PSD2: variants seen among roughly 807,000 people sequenced by gnomAD.
PSD2 encodes PH and SEC7 domain-containing protein 2.
In PSD2, 38 loss-of-function variants were observed where a neutral mutation model predicts 69.8. That is an observed-to-expected ratio of 0.54 (90% CI 0.42 to 0.71). The LOEUF is 0.71. Ranked by LOEUF, PSD2 falls within the 30% of genes least tolerant of loss-of-function variation. The probability of loss-of-function intolerance (pLI) is 0.00; values close to 1 mark genes in which losing one functional copy is unlikely to be tolerated. For synonymous variants in PSD2, 412 were observed against 423.0 expected, an observed-to-expected ratio of 0.97 and a Z score of 0.32; for missense variants, 943 against 1,014.5, an observed-to-expected ratio of 0.93 and a Z score of 0.96.
chr5:139,766,704 T>C, the PSD2 span, among the ~76,000 whole-genome samples: 2 of 152,150 alleles, frequency 1.3e-5, no homozygotes, highest in Non-Finnish European at 2.9e-5. Flanking sequence ...ATTGCCTGGC[T>C]GGGGAAACTG....
the PSD2 span, among the ~76,000 whole-genome samples, chr5:139,782,882 G>A: frequency 6.9e-3 from 1,050 of 152,244 alleles, 13 homozygotes; most frequent in African/African-American, 0.023. Flanking sequence ...ATTTTTAAGT[G>A]TGCAATTCAG....
chr5:139,805,480 A>G (rs1403372216), intron 1 of PSD2, among the ~76,000 whole-genome samples: 1 of 152,214 alleles, frequency 6.6e-6, no homozygotes, highest in East Asian at 1.9e-4. Flanking sequence ...ACAGCCGTGA[A>G]CATGACATAG....
chr5:139,777,620 A>G, the PSD2 span, among the ~76,000 whole-genome samples: 1 of 152,162 alleles, frequency 6.6e-6, no homozygotes, highest in African/African-American at 2.4e-5. Context: ...GCTGTGGCTC[A>G]TGCCCTTAAT....
At chr5:139,833,359 C>T (rs1760639401) in intron 7 of PSD2, among the ~76,000 whole-genome samples, 1 of 152,082 alleles carries the variant, frequency 6.6e-6, no homozygotes, top group African/African-American at 2.4e-5. Context: ...ACCTCACCTC[C>T]TCCTTGGGGT....
At chr5:139,761,289 A>G in the PSD2 span, among the ~76,000 whole-genome samples, 5 of 152,290 alleles carry the variant, frequency 3.3e-5, no homozygotes, top group East Asian at 7.7e-4. Flanking sequence ...GCTCAATGTC[A>G]CTATGCTTGT....
chr5:139,814,726 G>A lies in PSD2; in HGVS notation c.1016+362G>A, dbSNP rs754661350. On this transcript the variant is annotated intron_variant, in intron 4 of 14. Transcript: ENST00000274710. The surrounding 1 kb of genome is among the most constrained non-coding windows in gnomAD (Gnocchi z 4.4). ...AGGGAGAAAGGAGAACCCGGGCCTCGGGGGACACCTCTGGGACCCAGAGCT... is the reference window on the plus strand; with the variant it reads ...AGGGAGAAAGGAGAACCCGGGCCTCAGGGGACACCTCTGGGACCCAGAGCT... Among the ~76,000 whole-genome samples, 35 of 152,144 alleles carry A rather than the reference G, an allele frequency of 2.3e-4. No homozygotes were observed. Among genetic ancestry groups the A allele is most frequent in the African/African-American group, 5.1e-4 (21 of 41,514 alleles).
chr5:139,743,327 G>T, the PSD2 span, among the ~76,000 whole-genome samples: 1 of 152,210 alleles, frequency 6.6e-6, no homozygotes, highest in African/African-American at 2.4e-5. Context: ...CACTGACCCT[G>T]GAGGGTTACT....
chr5:139,813,573 T>C lies in PSD2; in HGVS notation c.636T>C (p.Ala212=). ...CGTTTGAGGGGGACATGGGGGCAGC[T>C]GGTGGTGATGGGGAGCTGGGCAGCC... ...DMAFEGDMGA[A]GGDGELGSPL... Residue 212 remains alanine (A), a synonymous_variant, in exon 3 of 15, where the codon GCT becomes GCC. Coordinates refer to ENST00000274710, the MANE Select transcript of PSD2 (RefSeq NM_032289.4). 1.9e-6 allele frequency: 3 copies of C among 1,612,894 alleles called. No homozygotes were observed. Among genetic ancestry groups the C allele is most frequent in the Non-Finnish European group, 2.5e-6 (3 of 1,179,002 alleles).
chr5:139,838,480 C>T (rs1175660075), intron 12 of PSD2, 148 bp from the exon 13 acceptor site: 2 of 825,806 alleles, frequency 2.4e-6, no homozygotes, highest in Non-Finnish European at 3.8e-6. Flanking sequence ...CATCCAGCCC[C>T]CATGTGTCCT....
the PSD2 span, among the ~76,000 whole-genome samples, chr5:139,780,855 C>G: frequency 1.3e-5 from 2 of 152,202 alleles, no homozygotes; most frequent in Non-Finnish European, 2.9e-5. Context: ...TTGGTTAACT[C>G]ATTCAGACTT....
intron 1 of PSD2, among the ~76,000 whole-genome samples, chr5:139,799,376 C>A (rs1034995477): frequency 6.6e-6 from 1 of 152,118 alleles, no homozygotes; most frequent in African/African-American, 2.4e-5. Flanking sequence ...GGGGGAGCCA[C>A]AACTCAGACA....
the PSD2 span, among the ~76,000 whole-genome samples, chr5:139,790,392 G>A: frequency 2.0e-5 from 3 of 152,182 alleles, no homozygotes; most frequent in South Asian, 2.1e-4. Flanking sequence ...ATCACACACC[G>A]AGAAGCTTCA....
At chr5:139,785,490 C>T in the PSD2 span, among the ~76,000 whole-genome samples, 7 of 152,250 alleles carry the variant, frequency 4.6e-5, no homozygotes, top group Non-Finnish European at 1.5e-5. Context: ...TCCCAAAGTG[C>T]TGGGATTACA....
intron 2 of PSD2, among the ~76,000 whole-genome samples, chr5:139,811,758 C>G (rs1225690680): frequency 6.6e-6 from 1 of 152,094 alleles, no homozygotes; most frequent in East Asian, 1.9e-4. Context: ...CTACGCCCGG[C>G]TAATTTTTGT....
chr5:139,770,356 A>G, the PSD2 span, among the ~76,000 whole-genome samples: 3 of 152,196 alleles, frequency 2.0e-5, no homozygotes, highest in African/African-American at 4.8e-5. Flanking sequence ...CAGGAGCTCG[A>G]GACCAGCCTG....
Position 139,839,797 on chromosome 5 carries a change from G to A in PSD2, c.1969-230G>A, listed in dbSNP as rs562879211. Among the ~76,000 whole-genome samples, 1 of 152,326 alleles carries A rather than the reference G, an allele frequency of 6.6e-6. No homozygotes were observed. Among genetic ancestry groups the A allele is most frequent in the Non-Finnish European group, 1.5e-5 (1 of 68,026 alleles). On this transcript the variant is annotated intron_variant, in intron 13 of 14. Coordinates refer to ENST00000274710, the MANE Select transcript of PSD2 (RefSeq NM_032289.4). The surrounding 1 kb of genome is among the most constrained non-coding windows in gnomAD (Gnocchi z 5.1). ...TGTCTCCCAAGCCTGCGGTGGGGTG[G>A]CTGGGGGGCATCGAGGAAAGCTGAT...
chr5:139,757,367 A>G, the PSD2 span, among the ~76,000 whole-genome samples: 1 of 152,220 alleles, frequency 6.6e-6, no homozygotes, highest in Non-Finnish European at 1.5e-5. Context: ...GGGGGTTCAC[A>G]AGCTTCTTCA....
At chr5:139,840,764 A>G (rs1561610659) in intron 14 of PSD2, among the ~76,000 whole-genome samples, 2 of 152,014 alleles carry the variant, frequency 1.3e-5, no homozygotes, top group African/African-American at 4.8e-5. Flanking sequence ...GTTGGCCAGG[A>G]TGGTCTCGAA....
the PSD2 span, among the ~76,000 whole-genome samples, chr5:139,784,582 C>T: frequency 2.6e-5 from 4 of 152,256 alleles, no homozygotes; most frequent in Admixed American, 1.3e-4. Context: ...GCCTACAACG[C>T]CCTCCATCAT....
Sources: allele counts gnomAD v4.1 joint callset (sites outside exome capture counted in the v4.1 genomes callset), GRCh38; gene constraint gnomAD v4.1.1; non-coding constraint Gnocchi (gnomAD v3.1); transcripts MANE v1.5; gene names NCBI Gene and HGNC (gene_info 2026-07-23, HGNC 2026-07-21).